The following CIC variants were observed in gnomAD, a reference collection of about 807,000 sequenced individuals.
The protein encoded by CIC is protein capicua homolog.
A neutral mutation model predicts 115.7 loss-of-function variants in CIC; 18 were observed. That is an observed-to-expected ratio of 0.16 (90% CI 0.11 to 0.23). The LOEUF is 0.23. Among genes scored for constraint, CIC ranks in the 10% least tolerant of loss-of-function variants. The pLI, the probability that CIC is intolerant of heterozygous loss-of-function variation, is 1.00. For synonymous variants in CIC, 1,076 were observed against 923.0 expected (o/e 1.17, Z -3.01); for missense variants, 2,000 against 2,159.3 (o/e 0.93, Z 1.46).
chr19:42,282,392 C>T (rs1366500964), intron 2 of CIC, among the ~76,000 whole-genome samples: 1 of 152,260 alleles, frequency 6.6e-6, no homozygotes, highest in Admixed American at 6.5e-5. Flanking sequence ...CCATCTGAGC[C>T]TGTGCAACCT....
rs1232143960 is a variant in CIC at position 42,294,707 on chromosome 19, C to T, written c.7158C>T (p.Leu2386=). The T allele has an allele frequency of 6.2e-7, 1 of 1,613,690 alleles. No homozygotes were observed. Among genetic ancestry groups the T allele is most frequent in the Non-Finnish European group, 8.5e-7 (1 of 1,180,026 alleles). The change falls in exon 20 of 21, where the codon CTC becomes CTT. Residue 2386 remains leucine, a synonymous_variant. Coordinates refer to ENST00000681038, the MANE Select transcript of CIC (RefSeq NM_001386298.1). ...LDQRRALVMQ[L]FQDHGFFPSA... ...AGCGCCGGGCCCTGGTCATGCAGCT[C>T]TTTCAGGACCATGGCTTCTTCCCGT...
Position 42,293,142 on chromosome 19 carries a change from C to A in CIC, c.6383C>A (p.Pro2128Gln). The change falls in exon 16 of 21, where the codon CCA becomes CAA. Residue 2128 changes from proline (P) to glutamine (Q), a missense_variant. Pro to Gln is a moderately conservative substitution (Grantham distance 76, BLOSUM62 -1). This residue lies in a region of CIC where 1,466 missense variants were observed against 1,390.4 expected (regional missense o/e 1.05). Transcript: ENST00000681038. ...EPGPVREPTA[P>Q]ESELEGQPTP... is the part of the protein sequence containing the mutation. Reference sequence around the variant, plus strand: ...GGCCCAGTCCGAGAGCCAACTGCCCCAGAGTCTGAGCTTGAGGGGCAGCCC... The same window carrying A: ...GGCCCAGTCCGAGAGCCAACTGCCCAAGAGTCTGAGCTTGAGGGGCAGCCC... 6.2e-7 allele frequency: 1 copy of A among 1,607,826 alleles called. No individual in the cohort carries two copies. Among genetic ancestry groups the A allele is most frequent in the Non-Finnish European group, 8.5e-7 (1 of 1,177,796 alleles).
In CIC at chr19:42,292,609, A is replaced by C. The variant is rs970136849; in HGVS notation, c.5946A>C (p.Ser1982=). The part of the protein sequence containing the change: ...PLLAPGQVGV[S]PVPSPQLPPA... ...TGGCTCCCGGTCAGGTGGGCGTGTC[A>C]CCTGTGCCCAGTCCCCAGCTGCCGC... Residue 1982 remains serine, a synonymous_variant, in exon 15 of 21, where the codon TCA becomes TCC. Transcript: ENST00000681038. The C allele has an allele frequency of 1.2e-6, 2 of 1,613,026 alleles. No individual in the cohort carries two copies. The highest frequency in any genetic ancestry group is 1.3e-5 in the African/African-American group (1 of 74,858).
intron 7 of CIC, among the ~76,000 whole-genome samples, chr19:42,288,618 G>A (rs1035215908): frequency 3.3e-5 from 5 of 152,164 alleles, no homozygotes; most frequent in Admixed American, 2.0e-4. Context: ...CGGTTGGCTA[G>A]CCAGCACCAC....
In CIC at chr19:42,280,614, G is replaced by C. The variant is rs2037189160; in HGVS notation, c.2794+6037G>C. On this transcript the variant is annotated intron_variant, in intron 2 of 20. Coordinates refer to ENST00000681038, the MANE Select transcript of CIC (RefSeq NM_001386298.1). This position sits in a 1 kb window ranked among gnomAD's most constrained non-coding sequence, Gnocchi z 4.9. ...CCCTCCCTCCCACCGCAGACAGCTCGGGTGCCAGCTGGCCGGCGCCCCGCC... is the reference window on the plus strand; with the variant it reads ...CCCTCCCTCCCACCGCAGACAGCTCCGGTGCCAGCTGGCCGGCGCCCCGCC... Among the ~76,000 whole-genome samples the C allele has an allele frequency of 6.6e-6, 1 of 152,150 alleles. No individual in the cohort carries two copies.
In CIC at chr19:42,270,494, T is replaced by C. The variant is rs2036739415; in HGVS notation, c.-11+1113T>C. Reference sequence around the variant, plus strand: ...TTCAGAGTAAAGTTTTTTCCCCTTTTCTTTTCTCAGGGCAGCTCGAAAGGG... The same window carrying C: ...TTCAGAGTAAAGTTTTTTCCCCTTTCCTTTTCTCAGGGCAGCTCGAAAGGG... On this transcript the variant is annotated intron_variant, in intron 1 of 20. Transcript: ENST00000681038. The surrounding 1 kb of genome is among the most constrained non-coding windows in gnomAD (Gnocchi z 4.1). 6.6e-6 allele frequency among the ~76,000 whole-genome samples: 1 copy of C among 152,224 alleles called. No homozygotes were observed. Among genetic ancestry groups the C allele is most frequent in the South Asian group, 2.1e-4 (1 of 4,836 alleles).
rs2037185422 is a variant in CIC at position 42,280,569 on chromosome 19, T to G, written c.2794+5992T>G. ...AGCGATTAACCCCTGCGCTGCCGCGTCCTCGGGCTGGGTGGGGTACCCTCC... is the reference window on the plus strand; with the variant it reads ...AGCGATTAACCCCTGCGCTGCCGCGGCCTCGGGCTGGGTGGGGTACCCTCC... On this transcript the variant is annotated intron_variant, in intron 2 of 20. Coordinates refer to ENST00000681038, the MANE Select transcript of CIC (RefSeq NM_001386298.1). This position sits in a 1 kb window ranked among gnomAD's most constrained non-coding sequence, Gnocchi z 4.9. Among the ~76,000 whole-genome samples the G allele has an allele frequency of 6.6e-6, 1 of 152,078 alleles. No homozygotes were observed. Among genetic ancestry groups the G allele is most frequent in the Non-Finnish European group, 1.5e-5 (1 of 67,990 alleles).
At position 42,272,456 on chromosome 19, in the gene CIC, C is replaced by T. The variant is rs1051938414; in HGVS notation, c.673C>T (p.Arg225Cys). ...LFLPAVVRQV[R>C]RSQDLGVQFP... is the part of the protein sequence containing the mutation. ...CCTGCCGGCTGTGGTGCGCCAGGTG[C>T]GCCGAAGCCAGGACCTGGGCGTGCA... The change falls in exon 2 of 21, where the codon CGC becomes TGC. Residue 225 changes from arginine to cysteine, a missense_variant. Arg to Cys is a radical substitution (Grantham distance 180). Transcript: ENST00000681038. 1.5e-5 allele frequency: 6 copies of T among 398,520 alleles called. No individual in the cohort carries two copies. The highest frequency in any genetic ancestry group is 6.3e-4 in the Middle Eastern group (1 of 1,588). The allele number at this position is 398,520 out of a possible 1,614,324, so 24.7% of individuals were successfully genotyped here. A position where few individuals can be genotyped will look rare whatever the true frequency, so the allele number is the denominator to read the frequency against.
intron 1 of CIC, 119 bp from the exon 2 acceptor site, chr19:42,271,655 G>A (rs2036794249): frequency 5.0e-6 from 2 of 397,824 alleles, no homozygotes; most frequent in South Asian, 2.8e-4. Context: ...CCAGAGAGGA[G>A]GCCTTGGGGA....
At chr19:42,278,290 T>TGGCC in intron 2 of CIC, among the ~76,000 whole-genome samples, 1 of 152,372 alleles carries the variant, frequency 6.6e-6, no homozygotes, top group Non-Finnish European at 1.5e-5. Context: ...ATTCCTGGTA[T>TGGCC]GGCCTCCCTC....
chr19:42,292,533 T>G, intron 14 of CIC, 33 bp from the exon 15 acceptor site: 1 of 1,612,290 alleles, frequency 6.2e-7, no homozygotes, highest in Non-Finnish European at 8.5e-7. Context: ...GGGCCCTAAC[T>G]TGGTCTCCTG....
intron 2 of CIC, among the ~76,000 whole-genome samples, chr19:42,286,373 G>A (rs1275178399): frequency 6.6e-6 from 1 of 152,116 alleles, no homozygotes; most frequent in Admixed American, 6.5e-5. Context: ...GGGCTGCTGG[G>A]AATGTGGCAT....
chr19:42,285,728 C>G (rs1163686856), intron 2 of CIC, among the ~76,000 whole-genome samples: 1 of 152,172 alleles, frequency 6.6e-6, no homozygotes, highest in Non-Finnish European at 1.5e-5. Flanking sequence ...TTCCACTTCC[C>G]CCAGGGAGCC....
intron 2 of CIC, among the ~76,000 whole-genome samples, chr19:42,278,160 A>G (rs1168909222): frequency 6.6e-6 from 1 of 152,198 alleles, no homozygotes; most frequent in East Asian, 1.9e-4. Flanking sequence ...CATTCTGTGC[A>G]TGGCATGGCC....
At position 42,292,792 on chromosome 19, in the gene CIC, G is replaced by C; in HGVS notation, c.6129G>C (p.Leu2043=). ...CAACCCCACCTGCAGCCACCATTCTGCCCAAGGGCCCGCCAGCCCCTGCCA... is the reference window on the plus strand; with the variant it reads ...CAACCCCACCTGCAGCCACCATTCTCCCCAAGGGCCCGCCAGCCCCTGCCA... ...TSTTPPAATI[L]PKGPPAPATA... is the part of the protein sequence containing the mutation. Residue 2043 remains leucine (L), a synonymous_variant, in exon 15 of 21, where the codon CTG becomes CTC. Transcript: ENST00000681038. 1 of 1,613,534 alleles carries C rather than the reference G, an allele frequency of 6.2e-7. No homozygotes were observed. The highest frequency in any genetic ancestry group is 1.1e-5 in the South Asian group (1 of 91,070).
chr19:42,291,241 G>T lies in CIC; in HGVS notation c.5200G>T (p.Val1734Leu). 1 of 1,612,136 alleles carries T rather than the reference G, an allele frequency of 6.2e-7. No individual in the cohort carries two copies. Among genetic ancestry groups the T allele is most frequent in the Non-Finnish European group, 8.5e-7 (1 of 1,179,624 alleles). ...GGGCAAGGCTGGGGGAATCACCCAG[G>T]TACAGTACATCCTGCCCACGCTGCC... ...ALGKAGGITQ[V>L]QYILPTLPQQ... Residue 1734 changes from valine (V) to leucine (L), a missense_variant, in exon 11 of 21, where the codon GTA becomes TTA. Physicochemically the swap from Val to Leu is conservative, Grantham distance 32 (BLOSUM62 1). Transcript: ENST00000681038.
chr19:42,289,040 A>T lies in CIC; in HGVS notation c.3811A>T (p.Ser1271Cys). The change falls in exon 8 of 21, where the codon AGC (serine) becomes TGC (cysteine). Residue 1271 changes from serine to cysteine, a missense_variant. Ser to Cys is a moderately radical substitution (Grantham distance 112, BLOSUM62 -1). Around this residue, in one of 8 missense-constraint regions of CIC, gnomAD observed 1,466 missense variants for 1,390.4 expected, o/e 1.05. Coordinates refer to ENST00000681038, the MANE Select transcript of CIC (RefSeq NM_001386298.1). ...PRAFSHSGVH[S>C]LDGGEVDSQA... ...AGCTTTCTCCCACAGCGGGGTACACAGCCTGGACGGCGGAGAAGTAGACAG... is the reference window on the plus strand; with the variant it reads ...AGCTTTCTCCCACAGCGGGGTACACTGCCTGGACGGCGGAGAAGTAGACAG... The T allele has an allele frequency of 6.2e-7, 1 of 1,613,780 alleles. No homozygotes were observed. The highest frequency in any genetic ancestry group is 8.5e-7 in the Non-Finnish European group (1 of 1,180,032).
In CIC at chr19:42,273,124, G is replaced by C. The variant is rs1599849495; in HGVS notation, c.1341G>C (p.Gly447=). 5.0e-6 allele frequency: 2 copies of C among 398,620 alleles called. No individual in the cohort carries two copies. The highest frequency in any genetic ancestry group is 7.1e-5 in the East Asian group (2 of 28,050). 24.7% of individuals were successfully genotyped at this position (398,620 alleles called of 1,614,324 possible). The change falls in exon 2 of 21, where the codon GGG becomes GGC. Residue 447 remains glycine (G), a synonymous_variant. Coordinates refer to ENST00000681038, the MANE Select transcript of CIC (RefSeq NM_001386298.1). Reference sequence around the variant, plus strand: ...AGCAGCCCTCGCCCTGCCAGGAGGGGAGCCAGGGCGGCAGCCGCAGCAGCA... The same window carrying C: ...AGCAGCCCTCGCCCTGCCAGGAGGGCAGCCAGGGCGGCAGCCGCAGCAGCA... ...PGEQPSPCQE[G]SQGGSRSSSV...
Position 42,291,338 on chromosome 19 carries a change from C to T in CIC, c.5297C>T (p.Ala1766Val), listed in dbSNP as rs1020455879. ...AAGGCAGCGGCTCCCAGCGGCCCTGCACCCACCACCAGCATCCGTTTCACC... is the reference window on the plus strand; with the variant it reads ...AAGGCAGCGGCTCCCAGCGGCCCTGTACCCACCACCAGCATCCGTTTCACC... ...GTKAAAPSGP[A>V]PTTSIRFTLP... The change falls in exon 11 of 21, where the codon GCA becomes GTA. Residue 1766 changes from alanine to valine, a missense_variant. Physicochemically the swap from Ala to Val is moderately conservative, Grantham distance 64. Around this residue, in one of 8 missense-constraint regions of CIC, gnomAD observed 1,466 missense variants for 1,390.4 expected, o/e 1.05. Transcript: ENST00000681038. 4 of 1,612,768 alleles carry T rather than the reference C, an allele frequency of 2.5e-6. No homozygotes were observed. Among genetic ancestry groups the T allele is most frequent in the Non-Finnish European group, 3.4e-6 (4 of 1,179,930 alleles).
Sources: gnomAD v4.1 joint callset for allele counts (sites outside exome capture counted in the v4.1 genomes callset) on GRCh38, gnomAD v4.1.1 for gene constraint, gnomAD v4.1.1 regional missense constraint, Gnocchi (gnomAD v3.1) non-coding constraint, MANE v1.5 for transcripts, NCBI Gene and HGNC (gene_info 2026-07-23, HGNC 2026-07-21) for gene names.